PPP6R3: variants seen among roughly 807,000 people sequenced by gnomAD.
PPP6R3 encodes the protein protein phosphatase 6 regulatory subunit 3.
PPP6R3 carries 38 observed loss-of-function variants against 110.7 expected under a neutral mutation model. That is an observed-to-expected ratio of 0.34 (90% CI 0.26 to 0.45). The LOEUF is 0.45. Ranked by LOEUF, PPP6R3 falls within the 20% of genes least tolerant of loss-of-function variation. The pLI is 1.00. For synonymous variants in PPP6R3, 369 were observed against 373.5 expected (o/e 0.99, Z 0.14); for missense variants, 870 against 1,062.4 (o/e 0.82, Z 2.52).
chr11:68,593,122 A>G (rs2099600611), intron 18 of PPP6R3, among the ~76,000 whole-genome samples: 1 of 152,224 alleles, frequency 6.6e-6, no homozygotes, highest in Non-Finnish European at 1.5e-5. Context: ...CATTATCCCA[A>G]TCAACATCAT....
At chr11:68,480,817 G>T (rs536319525) in intron 1 of PPP6R3, among the ~76,000 whole-genome samples, 4 of 152,148 alleles carry the variant, frequency 2.6e-5, no homozygotes, top group Non-Finnish European at 5.9e-5. Flanking sequence ...GCAAATATAT[G>T]ATTTTTTCCC....
intron 1 of PPP6R3, among the ~76,000 whole-genome samples, chr11:68,461,683 C>T (rs1181991694): frequency 1.3e-5 from 2 of 152,140 alleles, no homozygotes; most frequent in African/African-American, 4.8e-5. Flanking sequence ...AACCGCGTGA[C>T]TTAATGTCAT....
chr11:68,597,784 C>A (rs962839535), intron 19 of PPP6R3, among the ~76,000 whole-genome samples: 2 of 150,070 alleles, frequency 1.3e-5, no homozygotes, highest in African/African-American at 4.9e-5. Flanking sequence ...TTCGAGACCA[C>A]CCTGGCCAAC....
chr11:68,520,031 G>A (rs971679367), intron 2 of PPP6R3, among the ~76,000 whole-genome samples: 8 of 152,228 alleles, frequency 5.3e-5, no homozygotes, highest in African/African-American at 1.9e-4. Flanking sequence ...CCAGCGAAAG[G>A]ACGTTTGACT....
At chr11:68,493,187 G>C (rs984090903) in intron 1 of PPP6R3, among the ~76,000 whole-genome samples, 6 of 152,088 alleles carry the variant, frequency 3.9e-5, no homozygotes, top group African/African-American at 1.4e-4. Context: ...CCTGAATCCT[G>C]ATACTTCCAA....
At chr11:68,567,975 T>C (rs1263915013) in intron 10 of PPP6R3, among the ~76,000 whole-genome samples, 1 of 152,166 alleles carries the variant, frequency 6.6e-6, no homozygotes, top group Admixed American at 6.5e-5. Flanking sequence ...TTTCAGATCA[T>C]GCCCAGAGAG....
At chr11:68,495,710 T>C (rs2099011108) in intron 1 of PPP6R3, among the ~76,000 whole-genome samples, 1 of 152,252 alleles carries the variant, frequency 6.6e-6, no homozygotes, top group Non-Finnish European at 1.5e-5. Context: ...TGGGGAATAT[T>C]ACCTTTTATT....
At chr11:68,470,607 C>A (rs1246047024) in intron 1 of PPP6R3, among the ~76,000 whole-genome samples, 2 of 152,130 alleles carry the variant, frequency 1.3e-5, no homozygotes, top group East Asian at 3.8e-4. Flanking sequence ...TCCCACTGTC[C>A]TGTGCTGCTG....
At position 68,600,489 on chromosome 11, in the gene PPP6R3, C is replaced by T. The variant is rs1593975046; in HGVS notation, c.2187C>T (p.Ser729=). 1 of 1,612,864 alleles carries T rather than the reference C, an allele frequency of 6.2e-7. No homozygotes were observed. Among genetic ancestry groups the T allele is most frequent in the East Asian group, 2.2e-5 (1 of 44,868 alleles). Residue 729 remains serine, a synonymous_variant, in exon 20 of 24, where the codon TCC becomes TCT. Coordinates refer to ENST00000393800, the MANE Select transcript of PPP6R3 (RefSeq NM_001164161.2). ...CTTCTTTTTCAGAGTTCACGTCTTC[C>T]CTGAGGTGAGCGAACATGTGCTGTC... ...GWASFSEFTS[S]LSTKDSLRSN... is the part of the protein sequence containing the mutation.
chr11:68,491,766 C>T (rs1195619126), intron 1 of PPP6R3, among the ~76,000 whole-genome samples: 1 of 152,134 alleles, frequency 6.6e-6, no homozygotes, highest in Admixed American at 6.5e-5. Flanking sequence ...TACTGAAACA[C>T]AGTAGCCATT....
intron 14 of PPP6R3, among the ~76,000 whole-genome samples, chr11:68,577,284 T>C (rs1299207290): frequency 6.6e-6 from 1 of 152,166 alleles, no homozygotes; most frequent in Non-Finnish European, 1.5e-5. Context: ...TTAACTTGAG[T>C]GTTCTGGATA....
At chr11:68,575,672 TAAGTTCAC>T (rs1428549332) in intron 13 of PPP6R3, among the ~76,000 whole-genome samples, 1 of 152,220 alleles carries the variant, frequency 6.6e-6, no homozygotes, top group Non-Finnish European at 1.5e-5. Context: ...AGAAACTTGT[TAAGTTCAC>T]AAGCTACCTT....
At chr11:68,521,561 C>T (rs1485329308) in intron 2 of PPP6R3, among the ~76,000 whole-genome samples, 1 of 152,088 alleles carries the variant, frequency 6.6e-6, no homozygotes, top group East Asian at 1.9e-4. Context: ...TCCAGGAGTC[C>T]TAGAATCAAT....
chr11:68,566,870 T>G (rs909352999), intron 9 of PPP6R3, 144 bp from the exon 10 acceptor site: 1 of 587,376 alleles, frequency 1.7e-6, no homozygotes, highest in Non-Finnish European at 2.8e-6. Context: ...CTTAAAGATA[T>G]CAAGAGCAGC....
chr11:68,590,920 A>G (rs1222825883), intron 17 of PPP6R3, among the ~76,000 whole-genome samples: 2 of 152,250 alleles, frequency 1.3e-5, no homozygotes, highest in Non-Finnish European at 2.9e-5. Context: ...TGGTGGAGCT[A>G]ATAAGACCAG....
intron 1 of PPP6R3, among the ~76,000 whole-genome samples, chr11:68,469,483 C>T (rs11228250): frequency 1.3e-5 from 2 of 151,816 alleles, no homozygotes; most frequent in South Asian, 4.1e-4. Flanking sequence ...AAACGATTCT[C>T]TCACCTCAGC....
intron 18 of PPP6R3, among the ~76,000 whole-genome samples, chr11:68,594,014 A>G (rs2099603670): frequency 6.6e-6 from 1 of 152,164 alleles, no homozygotes; most frequent in Admixed American, 6.5e-5. Context: ...AATGCTGCCT[A>G]TGGGAAATGA....
intron 2 of PPP6R3, among the ~76,000 whole-genome samples, chr11:68,534,506 T>G (rs191038831): frequency 6.6e-6 from 1 of 152,194 alleles, no homozygotes; most frequent in African/African-American, 2.4e-5. Flanking sequence ...ATGAGTTTCC[T>G]TTATAATAAG....
chr11:68,591,496 A>G (rs188229960), intron 17 of PPP6R3, 80 bp from the exon 18 acceptor site: 11 of 1,359,226 alleles, frequency 8.1e-6, no homozygotes, highest in East Asian at 2.5e-5. Context: ...AAAAAATGCA[A>G]TTTACATTGG....
Sources: gnomAD v4.1 joint callset for allele counts (sites outside exome capture counted in the v4.1 genomes callset) on GRCh38, gnomAD v4.1.1 for gene constraint, MANE v1.5 for transcripts, NCBI Gene and HGNC (gene_info 2026-07-23, HGNC 2026-07-21) for gene names.